Variants in LANCL1 observed in about 807,000 individuals in gnomAD.
LANCL1 encodes glutathione S-transferase LANCL1.
In LANCL1, 50 loss-of-function variants were observed where a neutral mutation model predicts 50.6. That is an observed-to-expected ratio of 0.99 (90% CI 0.79 to 1.25). The LOEUF is 1.25. LANCL1 is among the 50% of genes most tolerant of loss of function. The pLI, the probability that LANCL1 is intolerant of heterozygous loss-of-function variation, is 0.00. For synonymous variants in LANCL1, 188 were observed against 178.6 expected (o/e 1.05, Z -0.42); for missense variants, 532 against 480.7 (o/e 1.11, Z -1.00).
intron 3 of LANCL1, among the ~76,000 whole-genome samples, chr2:210,459,433 A>G (rs1693774535): frequency 6.6e-6 from 1 of 152,190 alleles, no homozygotes; most frequent in African/African-American, 2.4e-5. Context: ...CTAGAAGTGC[A>G]GTGTCCAGTA....
In LANCL1 at chr2:210,441,171, G is replaced by C. The variant is rs16844457; in HGVS notation, c.543+137C>G. ...GTAGAAAGCTATTGGTTCTTGGACT[G>C]TGCCCAACCTTTAGAGGTCCAGATA... On this transcript the variant is annotated intron_variant, in intron 5 of 9. Transcript: ENST00000450366. 3.7e-3 allele frequency: 3,172 copies of C among 851,600 alleles called. 36 individuals are homozygous for C. Among genetic ancestry groups the C allele is most frequent in the African/African-American group, 0.033 (1,963 of 59,408 alleles). 52.8% of individuals were successfully genotyped at this position (851,600 alleles called of 1,614,324 possible). A position where few individuals can be genotyped will look rare whatever the true frequency, so the allele number is the denominator to read the frequency against.
intron 3 of LANCL1, among the ~76,000 whole-genome samples, chr2:210,465,627 G>A (rs376569577): frequency 2.0e-5 from 3 of 152,130 alleles, no homozygotes; most frequent in East Asian, 3.9e-4. Context: ...TCAAGAAAAC[G>A]TGAAGTCAAT....
intron 6 of LANCL1, among the ~76,000 whole-genome samples, chr2:210,439,717 A>C (rs374165017): frequency 6.6e-6 from 1 of 152,096 alleles, no homozygotes; most frequent in South Asian, 2.1e-4. Flanking sequence ...GTCCTTGTTT[A>C]TTTATAGGTA....
chr2:210,442,265 C>T (rs1693163817), intron 4 of LANCL1, among the ~76,000 whole-genome samples: 1 of 152,164 alleles, frequency 6.6e-6, no homozygotes, highest in Non-Finnish European at 1.5e-5. Context: ...CTCAGTCTCC[C>T]AGCCTTCTAG....
rs1210245741 is a variant in LANCL1, at chr2:210,436,300, G to A, written c.966C>T (p.Cys322=). 1 of 1,613,892 alleles carries A rather than the reference G, an allele frequency of 6.2e-7. No homozygotes were observed. The highest frequency in any genetic ancestry group is 1.3e-5 in the African/African-American group (1 of 74,868). ...CATAGGCATTCCCTGCAGAACCGTG[G>A]CACAGCCCATATCCCTTCTTCAGCA... ...YGLLKKGYGL[C]HGSAGNAYAF... Residue 322 remains cysteine (C), a synonymous_variant, in exon 8 of 10, where the codon TGC becomes TGT. Transcript: ENST00000450366.
Position 210,455,194 on chromosome 2 carries a change from A to G in LANCL1, c.320T>C (p.Leu107Pro). ...NCLTKRSITFLCGDAGPLAVA... is the reference protein window; with the variant it reads ...NCLTKRSITFPCGDAGPLAVA... ...TGCCAGGGGGCCTGCATCCCCACAA[A>G]GGAAGGTGATGGAGCGCTTGGTTAA... The change falls in exon 4 of 10, where the codon CTT becomes CCT. Residue 107 changes from leucine (L) to proline (P), a missense_variant. Physicochemically the swap from Leu to Pro is moderately conservative, Grantham distance 98 (BLOSUM62 -3). Coordinates refer to ENST00000450366, the MANE Select transcript of LANCL1 (RefSeq NM_006055.3). 1.9e-6 allele frequency: 3 copies of G among 1,613,778 alleles called. No individual in the cohort carries two copies. Among genetic ancestry groups the G allele is most frequent in the Non-Finnish European group, 2.5e-6 (3 of 1,179,768 alleles).
chr2:210,451,448 T>C lies in LANCL1; in HGVS notation c.407+3659A>G, dbSNP rs183179940. On this transcript the variant is annotated intron_variant, in intron 4 of 9. Transcript: ENST00000450366. ...GTAACAAACCTGCATATTCTACACA[T>C]GTACCCCGGAACTCAAAGTATAATA... 2.5e-4 allele frequency among the ~76,000 whole-genome samples: 38 copies of C among 152,232 alleles called. No individual in the cohort carries two copies. In the East Asian group the frequency reaches 6.0e-3, roughly 24 times the overall value.
chr2:210,471,349 CTTTGA>C (rs141966763), intron 3 of LANCL1, among the ~76,000 whole-genome samples: 4,051 of 152,048 alleles, frequency 0.027, 190 homozygotes, highest in African/African-American at 0.093. Context: ...CCAGCCTCTT[CTTTGA>C]TTTTTCTCTT....
chr2:210,477,493 G>A, upstream of LANCL1: 3 of 1,267,810 alleles, frequency 2.4e-6, no homozygotes, highest in South Asian at 9.8e-5. Flanking sequence ...GAATTTTGGA[G>A]TTCAGTTAAA....
At position 210,444,995 on chromosome 2, in the gene LANCL1, A is replaced by C. The variant is rs185715230; in HGVS notation, c.408-3552T>G. 2.1e-3 allele frequency among the ~76,000 whole-genome samples: 324 copies of C among 152,266 alleles called. 2 individuals carry two copies. Among genetic ancestry groups the C allele is most frequent in the African/African-American group, 7.4e-3 (309 of 41,556 alleles). On this transcript the variant is annotated intron_variant, in intron 4 of 9. Transcript: ENST00000450366. ...AGTAACGTTGGGGCCATAAGAAAAC[A>C]AAATGTGTTTATTAGATACAAATTC... is the stretch of plus-strand genomic sequence containing the variant.
chr2:210,476,052 A>G (rs913502648), intron 2 of LANCL1, among the ~76,000 whole-genome samples: 4 of 152,252 alleles, frequency 2.6e-5, no homozygotes, highest in Non-Finnish European at 4.4e-5. Context: ...ATTACATAGT[A>G]AACTACATAT....
At chr2:210,443,505 G>A (rs894437729) in intron 4 of LANCL1, among the ~76,000 whole-genome samples, 1 of 152,200 alleles carries the variant, frequency 6.6e-6, no homozygotes, top group African/African-American at 2.4e-5. Context: ...ATGTTATCAG[G>A]TAGCTTTCGA....
At chr2:210,459,213 C>T (rs1215658505) in intron 3 of LANCL1, among the ~76,000 whole-genome samples, 4 of 151,736 alleles carry the variant, frequency 2.6e-5, no homozygotes, top group African/African-American at 7.3e-5. Context: ...ATGTCATATT[C>T]GTAAGTATGA....
In LANCL1 at chr2:210,431,314, C is replaced by T. The variant is rs1269316994; in HGVS notation, c.*3173G>A. On this transcript the variant is annotated 3_prime_UTR_variant, in exon 10 of 10. Coordinates refer to ENST00000450366, the MANE Select transcript of LANCL1 (RefSeq NM_006055.3). ...AAATACTTTACAGAACATAGAAATA[C>T]ATATGATCCCAGCCTTTCCCATTAA... 1.3e-5 allele frequency: 2 copies of T among 152,188 alleles called. No individual in the cohort carries two copies. The highest frequency in any genetic ancestry group is 2.9e-5 in the Non-Finnish European group (2 of 68,026). 9.4% of individuals were successfully genotyped at this position (152,188 alleles called of 1,614,324 possible).
chr2:210,437,611 A>C, intron 7 of LANCL1, 79 bp downstream of exon 7: 1 of 795,626 alleles, frequency 1.3e-6, no homozygotes, highest in East Asian at 3.0e-5. Flanking sequence ...TTGTTCCTTT[A>C]TGGATTAGGA....
chr2:210,468,234 C>T (rs768845584), intron 3 of LANCL1: 1 of 150,090 alleles, frequency 6.7e-6, no homozygotes, highest in Non-Finnish European at 1.5e-5. Flanking sequence ...AAATCCAAAT[C>T]AATCTCCCTG....
chr2:210,436,143 A>C, intron 8 of LANCL1, 73 bp downstream of exon 8: 1 of 1,351,082 alleles, frequency 7.4e-7, no homozygotes, highest in African/African-American at 1.4e-5. Context: ...CGCCTGCCTC[A>C]GCCTCCCAAA....
chr2:210,466,876 G>T (rs1230243164), intron 3 of LANCL1, among the ~76,000 whole-genome samples: 1 of 152,000 alleles, frequency 6.6e-6, no homozygotes. Context: ...GAGAAAACTG[G>T]GTTCAGATAG....
chr2:210,449,683 A>T (rs1196040354), intron 4 of LANCL1, among the ~76,000 whole-genome samples: 4 of 152,222 alleles, frequency 2.6e-5, no homozygotes, highest in Admixed American at 2.6e-4. Context: ...AAAAATCACA[A>T]GCATTCCTAT....
Sources: gnomAD v4.1 joint callset for allele counts (sites outside exome capture counted in the v4.1 genomes callset) on GRCh38, gnomAD v4.1.1 for gene constraint, MANE v1.5 for transcripts, NCBI Gene and HGNC (gene_info 2026-07-23, HGNC 2026-07-21) for gene names.